Variants in FTCD observed in about 807,000 individuals in gnomAD.
FTCD encodes formimidoyltransferase cyclodeaminase.
FTCD carries 76 observed loss-of-function variants against 62.9 expected under a neutral mutation model. The ratio of observed to expected loss-of-function variants is 1.21; its 90% CI spans 1.00 to 1.46. FTCD has a LOEUF of 1.46. Ranked by LOEUF, FTCD falls within the 40% of genes most tolerant of loss-of-function variation. FTCD has a pLI of 0.00. For missense variants in FTCD, 845 were observed against 751.3 expected (o/e 1.12, Z -1.46); for synonymous variants, 397 against 336.9 (o/e 1.18, Z -1.95).
chr21:46,144,322 G>A (rs1041254687), intron 10 of FTCD, among the ~76,000 whole-genome samples: 1 of 145,804 alleles, frequency 6.9e-6, no homozygotes, highest in Non-Finnish European at 1.5e-5. Context: ...TCTACACACG[G>A]GGAGAAAAAC....
chr21:46,154,175 C>A lies in FTCD; in HGVS notation c.212G>T (p.Arg71Leu). ...TTGGTGCCTGCTCATGTCGATAAGTCGGGAAGCTACCCGGGCAGCGTTGAG... is the reference window on the plus strand; with the variant it reads ...TTGGTGCCTGCTCATGTCGATAAGTAGGGAAGCTACCCGGGCAGCGTTGAG... ...GALNAARVAS[R>L]LIDMSRHQGE... Residue 71 changes from arginine to leucine, a missense_variant, in exon 2 of 14, where the codon CGA becomes CTA. By Grantham distance (102) the Arg-to-Leu change is moderately radical. Coordinates refer to ENST00000397746, the MANE Select transcript of FTCD (RefSeq NM_206965.2). 1.2e-6 allele frequency: 2 copies of A among 1,612,840 alleles called. No individual in the cohort carries two copies. The highest frequency in any genetic ancestry group is 1.7e-6 in the Non-Finnish European group (2 of 1,179,978).
intron 3 of FTCD, chr21:46,152,300 A>C: frequency 2.9e-6 from 1 of 348,904 alleles, no homozygotes. Flanking sequence ...ACAGAACCGC[A>C]AGCAACCACA....
At chr21:46,140,105 T>G (rs2078962019) in intron 10 of FTCD, among the ~76,000 whole-genome samples, 1 of 152,212 alleles carries the variant, frequency 6.6e-6, no homozygotes, top group Non-Finnish European at 1.5e-5. Context: ...CTCCTTATGT[T>G]TTTCAAAAGT....
Position 46,137,056 on chromosome 21 carries a change from G to C in FTCD, c.1557C>G (p.Ser519=). 1 of 1,613,810 alleles carries C rather than the reference G, an allele frequency of 6.2e-7. No individual in the cohort carries two copies. The highest frequency in any genetic ancestry group is 2.2e-5 in the East Asian group (1 of 44,880). The part of the protein sequence containing the change: ...AFKDQIHHRV[S]SLLQEAKTQA... ...GGGTCTTGGCTTCCTGCAGGAGGCT[G>C]GAAACACGATGGTGGATCTGATGGA... Residue 519 remains serine (S), a synonymous_variant, in exon 14 of 14, where the codon TCC becomes TCG. Transcript: ENST00000397746.
chr21:46,146,042 C>A, intron 8 of FTCD, 95 bp from the exon 9 acceptor site: 1 of 804,796 alleles, frequency 1.2e-6, no homozygotes, highest in South Asian at 1.8e-5. Context: ...CCGTCTGCAC[C>A]CACGGGGAGG....
intron 5 of FTCD, 97 bp from the exon 6 acceptor site, chr21:46,150,622 G>T: frequency 7.7e-7 from 1 of 1,299,440 alleles, no homozygotes; most frequent in Non-Finnish European, 1.1e-6. Flanking sequence ...GCTGGACGGG[G>T]AGGAGCCTGT....
At chr21:46,146,359 C>CG in intron 7 of FTCD, 32 bp from the exon 8 acceptor site, 1 of 1,477,102 alleles carries the variant, frequency 6.8e-7, no homozygotes, top group South Asian at 1.2e-5. Context: ...GAAACGGCCT[C>CG]GGCGCGTCTC....
chr21:46,139,867 C>T (rs778400148), intron 10 of FTCD, among the ~76,000 whole-genome samples: 11 of 152,166 alleles, frequency 7.2e-5, no homozygotes, highest in African/African-American at 7.2e-5. Flanking sequence ...ACTCGCGCTA[C>T]GAACACTCTC....
chr21:46,146,084 G>T, intron 8 of FTCD, 137 bp from the exon 9 acceptor site: 1 of 713,618 alleles, frequency 1.4e-6, no homozygotes, highest in Non-Finnish European at 2.3e-6. Flanking sequence ...GCGGGGACCC[G>T]GCCGGGGTCT....
chr21:46,152,022 T>C, intron 3 of FTCD, 42 bp from the exon 4 acceptor site: 1 of 1,429,074 alleles, frequency 7.0e-7, no homozygotes, highest in Non-Finnish European at 9.6e-7. Flanking sequence ...CGGCAGGGGG[T>C]CCAGGACTCA....
In FTCD at chr21:46,139,588, C is replaced by A. The variant is rs1036464954; in HGVS notation, c.1261-665G>T. On this transcript the variant is annotated intron_variant, in intron 10 of 13. Transcript: ENST00000397746. Reference sequence around the variant, plus strand: ...TATGCTCACTTCATCTTGGAAGATTCAGCCAACTCTCCACCAGAAAGTCAT... The same window carrying A: ...TATGCTCACTTCATCTTGGAAGATTAAGCCAACTCTCCACCAGAAAGTCAT... Among the ~76,000 whole-genome samples the A allele has an allele frequency of 8.5e-4, 129 of 152,346 alleles. 1 individual carries two copies. Among genetic ancestry groups the A allele is most frequent in the Non-Finnish European group, 2.2e-4 (15 of 68,028 alleles).
chr21:46,152,692 C>T (rs1013333938), intron 3 of FTCD: 80 of 506,386 alleles, frequency 1.6e-4, no homozygotes, highest in East Asian at 1.2e-3. Flanking sequence ...AGCTGCTCTG[C>T]GGTGTAGTCT....
rs1027111423 is a variant in FTCD, at chr21:46,151,626, G to A, written c.568C>T (p.Leu190Phe). 5 of 1,613,076 alleles carry A rather than the reference G, an allele frequency of 3.1e-6. No homozygotes were observed. The highest frequency in any genetic ancestry group is 4.2e-6 in the Non-Finnish European group (5 of 1,179,946). Residue 190 changes from leucine to phenylalanine, a missense_variant, in exon 5 of 14, where the codon CTC becomes TTC. By Grantham distance (22) the Leu-to-Phe change is conservative (BLOSUM62 0). Transcript: ENST00000397746. ...KFLIAFNINL[L>F]GTKEQAHRIA... is the part of the protein sequence containing the mutation. The stretch of plus-strand genomic sequence containing the variant: ...CGGTGGGCTTGCTCCTTTGTGCCGA[G>A]CAGGTTGATGTTAAAAGCAATGAGG...
At chr21:46,136,626 G>A (rs2078872312), downstream of FTCD, 1 of 1,495,170 alleles carries the variant, frequency 6.7e-7, no homozygotes, top group Non-Finnish European at 8.9e-7. Context: ...GGTGTCTGGG[G>A]ACCCTGGCGC....
chr21:46,146,563 T>A, intron 7 of FTCD: 1 of 585,056 alleles, frequency 1.7e-6, no homozygotes. Context: ...GCCATCACCC[T>A]GAGTTGCCCT....
rs777944418 is a variant in FTCD, at chr21:46,150,209, C to G, written c.816G>C (p.Leu272=). ...CATCCAGCAGAGCCTTCAGGGGCAC[C>G]AGGCCCACCAGCTGTGAGCCCACCA... is the stretch of plus-strand genomic sequence containing the variant. ...LPVVGSQLVG[L]VPLKALLDAA... Residue 272 remains leucine (L), a synonymous_variant, in exon 7 of 14, where the codon CTG becomes CTC. Transcript: ENST00000397746. The G allele has an allele frequency of 1.1e-5, 17 of 1,609,198 alleles. No homozygotes were observed. The highest frequency in any genetic ancestry group is 1.3e-5 in the Non-Finnish European group (15 of 1,178,464).
intron 7 of FTCD, chr21:46,146,876 C>CCCCCA (rs1555883142): frequency 5.6e-4 from 86 of 154,172 alleles, no homozygotes; most frequent in African/African-American, 2.0e-3. Flanking sequence ...GGCTATGCGA[C>CCCCCA]CCCCACCCCA....
At position 46,146,253 on chromosome 21, in the gene FTCD, G is replaced by A. The variant is rs2079144770; in HGVS notation, c.968+13C>T. ...GGGAGGGGTGAGAAGAGGGCGGGAGGGCAGAGGCTCACTCGATGATCCGCT... is the reference window on the plus strand; with the variant it reads ...GGGAGGGGTGAGAAGAGGGCGGGAGAGCAGAGGCTCACTCGATGATCCGCT... On this transcript the variant is annotated intron_variant, in intron 8 of 13. Coordinates refer to ENST00000397746, the MANE Select transcript of FTCD (RefSeq NM_206965.2). 3 of 1,580,112 alleles carry A rather than the reference G, an allele frequency of 1.9e-6. No individual in the cohort carries two copies.
rs2071065344 is a variant in FTCD at position 46,152,897 on chromosome 21, G to T, written c.367+10C>A. 1.7e-6 allele frequency: 2 copies of T among 1,210,088 alleles called. No individual in the cohort carries two copies. The highest frequency in any genetic ancestry group is 1.2e-6 in the Non-Finnish European group (1 of 865,838). The allele number at this position is 1,210,088 out of a possible 1,614,324, so 75.0% of individuals were successfully genotyped here. A position where few individuals can be genotyped will look rare whatever the true frequency, so the allele number is the denominator to read the frequency against. On this transcript the variant is annotated intron_variant, in intron 3 of 13. Coordinates refer to ENST00000397746, the MANE Select transcript of FTCD (RefSeq NM_206965.2). ...GGAGCAGAGTGAGGGGGGCGGGGGG[G>T]CACGCTCACCTGGCACGTCCAGCTC... is the stretch of plus-strand genomic sequence containing the variant.
Sources: allele counts gnomAD v4.1 joint callset (sites outside exome capture counted in the v4.1 genomes callset), GRCh38; gene constraint gnomAD v4.1.1; transcripts MANE v1.5; gene names NCBI Gene and HGNC (gene_info 2026-07-23, HGNC 2026-07-21).